PHACTR4: variants seen among roughly 807,000 people sequenced by gnomAD.
The protein encoded by PHACTR4 is phosphatase and actin regulator 4.
PHACTR4 carries 51 observed loss-of-function variants against 72.7 expected under a neutral mutation model. The ratio of observed to expected loss-of-function variants is 0.70; its 90% CI spans 0.56 to 0.89. The LOEUF (loss-of-function observed/expected upper bound fraction) is 0.89. Among genes scored for constraint, PHACTR4 ranks in the 40% least tolerant of loss-of-function variants. PHACTR4 has a pLI of 0.00. For synonymous variants in PHACTR4, 255 were observed against 302.5 expected (o/e 0.84, Z 1.63); for missense variants, 731 against 861.8 (o/e 0.85, Z 1.90).
chr1:28,487,258 C>T (rs540118463), intron 9 of PHACTR4, among the ~76,000 whole-genome samples: 9 of 151,606 alleles, frequency 5.9e-5, no homozygotes, highest in South Asian at 2.1e-4. Context: ...CCCAGCTACT[C>T]GGGAGGCTGC....
At chr1:28,470,645 C>T (rs897186136) in intron 6 of PHACTR4, among the ~76,000 whole-genome samples, 2 of 151,292 alleles carry the variant, frequency 1.3e-5, no homozygotes, top group Non-Finnish European at 2.9e-5. Flanking sequence ...TGCAGTGAGC[C>T]GTGACTGCGC....
At position 28,473,725 on chromosome 1, in the gene PHACTR4, C is replaced by T. The variant is rs201435138; in HGVS notation, c.995C>T (p.Ser332Leu). 6.1e-5 allele frequency: 99 copies of T among 1,613,956 alleles called. No individual in the cohort carries two copies. Among genetic ancestry groups the T allele is most frequent in the Middle Eastern group, 1.6e-4 (1 of 6,084 alleles). Residue 332 changes from serine to leucine, a missense_variant, in exon 7 of 14, where the codon TCG (serine) becomes TTG (leucine). Physicochemically the swap from Ser to Leu is moderately radical, Grantham distance 145 (BLOSUM62 -2). Coordinates refer to ENST00000373839, the MANE Select transcript of PHACTR4 (RefSeq NM_001048183.3). The part of the protein sequence containing the change: ...EREKSTCSMG[S>L]ELLPMISPRS... ...GAGAAGAGCACGTGTTCTATGGGCT[C>T]GGAACTACTACCAATGATCTCACCT...
chr1:28,487,727 G>GTTTTTTTTTTTTTTTTTT (rs780028378), intron 9 of PHACTR4, among the ~76,000 whole-genome samples: 4 of 63,308 alleles, frequency 6.3e-5, no homozygotes, highest in African/African-American at 2.2e-4. Context: ...GTTTTTTGTT[G>GTTTTTTTTTTTTTTTTTT]TTTTTTTTTT....
intron 9 of PHACTR4, among the ~76,000 whole-genome samples, chr1:28,488,206 A>G (rs1660823176): frequency 6.6e-6 from 1 of 152,034 alleles, no homozygotes; most frequent in South Asian, 2.1e-4. Context: ...TTAAAAACCT[A>G]GCTGGGCATG....
intron 2 of PHACTR4, among the ~76,000 whole-genome samples, chr1:28,450,625 GT>G (rs1657874487): frequency 6.6e-6 from 1 of 151,816 alleles, no homozygotes; most frequent in Non-Finnish European, 1.5e-5. Context: ...TTGGTTGTTT[GT>G]TTGTTTGTTT....
chr1:28,375,638 A>T (rs1342042250), intron 1 of PHACTR4, among the ~76,000 whole-genome samples: 1 of 152,174 alleles, frequency 6.6e-6, no homozygotes, highest in Non-Finnish European at 1.5e-5. Flanking sequence ...GTGAGCTATG[A>T]TTGTGCCACC....
chr1:28,375,355 AAAC>A (rs1356131395), intron 1 of PHACTR4, among the ~76,000 whole-genome samples: 1 of 148,348 alleles, frequency 6.7e-6, no homozygotes, highest in East Asian at 2.0e-4. Flanking sequence ...AAAGAAAAGA[AAAC>A]AAGGAGCATT....
intron 4 of PHACTR4, among the ~76,000 whole-genome samples, chr1:28,461,295 G>A (rs1345969185): frequency 6.6e-6 from 1 of 151,982 alleles, no homozygotes; most frequent in East Asian, 1.9e-4. Flanking sequence ...CAAAAAATTA[G>A]GAGGGCATAG....
At chr1:28,427,355 G>A (rs796589680) in intron 2 of PHACTR4, among the ~76,000 whole-genome samples, 1 of 151,694 alleles carries the variant, frequency 6.6e-6, no homozygotes, top group African/African-American at 2.4e-5. Context: ...GTGAAACCCC[G>A]TCTCTACTAA....
intron 6 of PHACTR4, among the ~76,000 whole-genome samples, chr1:28,469,862 C>T (rs1347480658): frequency 1.3e-5 from 2 of 151,734 alleles, no homozygotes; most frequent in African/African-American, 4.8e-5. Flanking sequence ...TTGAGACCAG[C>T]CTGGGCAACA....
intron 2 of PHACTR4, among the ~76,000 whole-genome samples, chr1:28,456,930 G>C (rs1284101046): frequency 3.9e-5 from 6 of 151,922 alleles, no homozygotes; most frequent in African/African-American, 1.5e-4. Flanking sequence ...TAGATAGATA[G>C]ATAGATAGAT....
At chr1:28,402,372 T>C (rs1285115805) in intron 1 of PHACTR4, among the ~76,000 whole-genome samples, 2 of 152,156 alleles carry the variant, frequency 1.3e-5, no homozygotes, top group Non-Finnish European at 2.9e-5. Context: ...GCTGTAGATA[T>C]ATCAGTCTGT....
intron 2 of PHACTR4, among the ~76,000 whole-genome samples, chr1:28,442,398 A>G (rs1657105040): frequency 6.6e-6 from 1 of 150,980 alleles, no homozygotes; most frequent in African/African-American, 2.5e-5. Context: ...AAGGAGGCGG[A>G]GGATGCAGTG....
intron 1 of PHACTR4, among the ~76,000 whole-genome samples, chr1:28,376,497 T>C (rs1197264135): frequency 6.6e-6 from 1 of 151,310 alleles, no homozygotes; most frequent in East Asian, 2.0e-4. Flanking sequence ...TTCTTTTTTT[T>C]TTTTTTCTTT....
At chr1:28,412,383 A>G (rs775365684) in intron 2 of PHACTR4, among the ~76,000 whole-genome samples, 26 of 152,240 alleles carry the variant, frequency 1.7e-4, no homozygotes, top group Non-Finnish European at 1.6e-4. Context: ...GGAGATAACC[A>G]TCATACTTAG....
chr1:28,465,597 A>G, intron 4 of PHACTR4, 88 bp from the exon 5 acceptor site: 1 of 1,342,770 alleles, frequency 7.4e-7, no homozygotes, highest in Non-Finnish European at 1.0e-6. Context: ...TTTAAAAAAG[A>G]GAGAGAAAGA....
rs185047522 is a variant in PHACTR4 at position 28,387,757 on chromosome 1, T to G, written c.-39+17932T>G. Among the ~76,000 whole-genome samples, 745 of 151,952 alleles carry G rather than the reference T, an allele frequency of 4.9e-3. 5 individuals carry two copies. The highest frequency in any genetic ancestry group is 0.017 in the African/African-American group (698 of 41,410). ...ATTTTTTTTTTTTTGAGATAGAGTC[T>G]TGTTCTGTCGCCCAGGCTGGAGTGC... On this transcript the variant is annotated intron_variant, in intron 1 of 13. Coordinates refer to ENST00000373839, the MANE Select transcript of PHACTR4 (RefSeq NM_001048183.3).
At chr1:28,475,241 G>A (rs1004290491) in intron 7 of PHACTR4, among the ~76,000 whole-genome samples, 3 of 151,904 alleles carry the variant, frequency 2.0e-5, no homozygotes, top group Non-Finnish European at 4.4e-5. Context: ...GTGAGCCACT[G>A]CGCCTGGCCA....
intron 1 of PHACTR4, among the ~76,000 whole-genome samples, chr1:28,405,463 A>G (rs1051409151): frequency 6.6e-6 from 1 of 151,588 alleles, no homozygotes; most frequent in Admixed American, 6.6e-5. Context: ...AGTAGCTGGG[A>G]CTACAGGTAC....
Sources: allele counts gnomAD v4.1 joint callset (sites outside exome capture counted in the v4.1 genomes callset), GRCh38; gene constraint gnomAD v4.1.1; transcripts MANE v1.5; gene names NCBI Gene and HGNC (gene_info 2026-07-23, HGNC 2026-07-21).